Variants in DNAI7 observed in about 807,000 individuals in gnomAD.
DNAI7 encodes the protein dynein axonemal intermediate chain 7, also known as cancer susceptibility 1.
Under a neutral mutation model 86.6 loss-of-function variants are expected in DNAI7, and 78 were observed. That is an observed-to-expected ratio of 0.90 (90% confidence interval 0.75 to 1.09). DNAI7 has a LOEUF of 1.09. Ranked by LOEUF, DNAI7 falls within the 50% of genes least tolerant of loss-of-function variation. The probability of loss-of-function intolerance (pLI) is 0.00; values close to 1 mark genes in which losing one functional copy is unlikely to be tolerated. For synonymous variants in DNAI7, 274 were observed against 273.0 expected (o/e 1.00, Z -0.04); for missense variants, 753 against 810.2 (o/e 0.93, Z 0.86).
chr12:25,123,136 A>T, intron 10 of DNAI7, 75 bp downstream of exon 10: 1 of 992,418 alleles, frequency 1.0e-6, no homozygotes, highest in Non-Finnish European at 1.5e-6. Flanking sequence ...GAATTTTTTT[A>T]ACAATGATCC....
chr12:25,153,715 AC>A (rs1418501245), intron 6 of DNAI7, among the ~76,000 whole-genome samples: 2 of 152,178 alleles, frequency 1.3e-5, no homozygotes, highest in African/African-American at 4.8e-5. Context: ...TGGCTTCAAG[AC>A]CTTCTTACTT....
At chr12:25,122,448 C>CAAAAAA (rs34138209) in intron 10 of DNAI7, among the ~76,000 whole-genome samples, 9 of 76,712 alleles carry the variant, frequency 1.2e-4, no homozygotes, top group African/African-American at 1.6e-4. Flanking sequence ...GATCTCATCT[C>CAAAAAA]AAAAAAAAAA....
At chr12:25,158,607 G>A (rs1946487596) in intron 3 of DNAI7, 44 bp from the exon 4 acceptor site, 2 of 1,567,744 alleles carry the variant, frequency 1.3e-6, no homozygotes, top group African/African-American at 1.4e-5. Context: ...ATAGATCACT[G>A]TATTTTTAAG....
At chr12:25,130,703 T>C (rs1268973120) in intron 9 of DNAI7, among the ~76,000 whole-genome samples, 2 of 152,170 alleles carry the variant, frequency 1.3e-5, no homozygotes, top group African/African-American at 4.8e-5. Flanking sequence ...CTTAGATCAC[T>C]AATGTAGTTC....
intron 12 of DNAI7, among the ~76,000 whole-genome samples, chr12:25,115,352 C>G (rs1382663618): frequency 6.6e-6 from 1 of 152,122 alleles, no homozygotes; most frequent in African/African-American, 2.4e-5. Context: ...CACCACAATC[C>G]AGTTTTAGAA....
rs201434118 is a variant in DNAI7 at position 25,158,506 on chromosome 12, A to G, written c.164T>C (p.Ile55Thr). ...EEMERLEIQR[I>T]EKEKWHRLEA... ...AAGTCGATGCCATTTTTCTTTCTCA[A>G]TTCGCTGTATTTCAAGCCTTTCCAT... Residue 55 changes from isoleucine to threonine, a missense_variant, in exon 4 of 16, where the codon ATT becomes ACT. Physicochemically the swap from Ile to Thr is moderately conservative, Grantham distance 89. Coordinates refer to ENST00000395987, the MANE Select transcript of DNAI7 (RefSeq NM_018272.5). 3.7e-6 allele frequency: 6 copies of G among 1,613,194 alleles called. No homozygotes were observed. The highest frequency in any genetic ancestry group is 3.3e-5 in the Admixed American group (2 of 59,984).
chr12:25,138,027 T>C (rs1943750099), intron 9 of DNAI7, among the ~76,000 whole-genome samples: 1 of 151,552 alleles, frequency 6.6e-6, no homozygotes, highest in Admixed American at 6.6e-5. Context: ...AACAAAACTA[T>C]ACCCTAGAAC....
intron 4 of DNAI7, among the ~76,000 whole-genome samples, chr12:25,156,110 C>A (rs1210420854): frequency 3.4e-5 from 5 of 145,582 alleles, no homozygotes; most frequent in African/African-American, 5.3e-5. Context: ...AATCACGTTA[C>A]AAAAAAAAAA....
intron 6 of DNAI7, among the ~76,000 whole-genome samples, chr12:25,153,588 T>C (rs952410891): frequency 3.3e-5 from 5 of 152,204 alleles, no homozygotes; most frequent in African/African-American, 1.2e-4. Flanking sequence ...CAGGAGTCTC[T>C]GGTTCAACTT....
chr12:25,123,031 A>G (rs1289778239), intron 10 of DNAI7, among the ~76,000 whole-genome samples, 180 bp downstream of exon 10: 1 of 152,220 alleles, frequency 6.6e-6, no homozygotes, highest in African/African-American at 2.4e-5. Flanking sequence ...ATTAAGAGAG[A>G]CAGGGATAAA....
At chr12:25,185,770 T>C in intron 2 of DNAI7, 2 of 984,282 alleles carry the variant, frequency 2.0e-6, no homozygotes, top group Non-Finnish European at 2.4e-6. Context: ...TGAAGCCTGT[T>C]TGTGATGACA....
At chr12:25,150,535 C>T (rs184117578) in intron 6 of DNAI7, among the ~76,000 whole-genome samples, 17 of 134,758 alleles carry the variant, frequency 1.3e-4, no homozygotes, top group South Asian at 2.3e-4. Flanking sequence ...ACCCGGGAGG[C>T]GGAGCTTGCA....
intron 13 of DNAI7, among the ~76,000 whole-genome samples, chr12:25,113,858 C>T (rs1232777189): frequency 6.6e-6 from 1 of 151,886 alleles, no homozygotes; most frequent in African/African-American, 2.4e-5. Flanking sequence ...AATCCCCACC[C>T]ACTCTCAGCC....
chr12:25,167,300 CA>C (rs569928586), intron 2 of DNAI7, among the ~76,000 whole-genome samples: 11 of 152,092 alleles, frequency 7.2e-5, no homozygotes, highest in Non-Finnish European at 1.5e-4. Flanking sequence ...AGGGATTATT[CA>C]GTCCCCCTCC....
intron 2 of DNAI7, among the ~76,000 whole-genome samples, chr12:25,182,191 T>C (rs1436888483): frequency 1.3e-5 from 2 of 151,410 alleles, no homozygotes. Context: ...CTACTAAAAA[T>C]ACAACATTAG....
chr12:25,174,615 CAT>C (rs1179073474), intron 2 of DNAI7, among the ~76,000 whole-genome samples: 2 of 98,694 alleles, frequency 2.0e-5, no homozygotes, highest in South Asian at 3.0e-4. Context: ...ATATATATAT[CAT>C]ATATATGGGA....
downstream of DNAI7, chr12:25,107,074 C>A (rs1206292171): frequency 7.4e-7 from 1 of 1,358,170 alleles, no homozygotes; most frequent in Non-Finnish European, 1.0e-6. Context: ...TTGATAAATT[C>A]TACCATTTTA....
intron 9 of DNAI7, among the ~76,000 whole-genome samples, chr12:25,136,510 C>T (rs1444422857): frequency 6.6e-6 from 1 of 152,060 alleles, no homozygotes; most frequent in Admixed American, 6.5e-5. Flanking sequence ...TTCTTTAACA[C>T]CCCCAAAAGA....
intron 1 of DNAI7, among the ~76,000 whole-genome samples, chr12:25,191,452 C>T (rs1325838411): frequency 6.6e-6 from 1 of 152,070 alleles, no homozygotes; most frequent in Non-Finnish European, 1.5e-5. Context: ...CACCTGTAAT[C>T]CCAGGACTTT....
Sources: gnomAD v4.1 joint callset for allele counts (sites outside exome capture counted in the v4.1 genomes callset) on GRCh38, gnomAD v4.1.1 for gene constraint, MANE v1.5 for transcripts, NCBI Gene and HGNC (gene_info 2026-07-23, HGNC 2026-07-21) for gene names.